The following ARHGAP10 variants were observed in gnomAD, a reference collection of about 807,000 sequenced individuals.
ARHGAP10 encodes the protein rho GTPase-activating protein 10.
In ARHGAP10, 87 loss-of-function variants were observed where a neutral mutation model predicts 108.6. That is an observed-to-expected ratio of 0.80 (90% CI 0.67 to 0.96). The LOEUF (loss-of-function observed/expected upper bound fraction) is 0.96. Among genes scored for constraint, ARHGAP10 ranks in the 40% least tolerant of loss-of-function variants. The probability of loss-of-function intolerance (pLI) is 0.00; values close to 1 mark genes in which losing one functional copy is unlikely to be tolerated. For missense variants in ARHGAP10, 939 were observed against 954.5 expected (o/e 0.98, Z 0.21); for synonymous variants, 347 against 341.1 (o/e 1.02, Z -0.19).
In ARHGAP10 at chr4:147,913,137, G is replaced by T. The variant is rs780256444; in HGVS notation, c.1226G>T (p.Arg409Leu). Residue 409 changes from arginine to leucine, a missense_variant and splice_region_variant, in exon 13 of 23, where the codon CGA becomes CTA. Coordinates refer to ENST00000336498, the MANE Select transcript of ARHGAP10 (RefSeq NM_024605.4). ...AAATGCATCAGTGCCGTTGAAACAC[G>T]AGGTAATATGATTGAATCATTTCAT... ...IRKCISAVETRGINDQGLYRV... is the reference protein window; with the variant it reads ...IRKCISAVETLGINDQGLYRV... 1.2e-6 allele frequency: 2 copies of T among 1,612,798 alleles called. No individual in the cohort carries two copies. The highest frequency in any genetic ancestry group is 8.5e-7 in the Non-Finnish European group (1 of 1,179,018).
intron 19 of ARHGAP10, among the ~76,000 whole-genome samples, chr4:148,029,996 C>G (rs951281550): frequency 1.0e-4 from 15 of 146,724 alleles, no homozygotes; most frequent in African/African-American, 2.9e-4. Flanking sequence ...GCTCAGCATC[C>G]CCCCCCCCAC....
intron 13 of ARHGAP10, among the ~76,000 whole-genome samples, chr4:147,923,496 T>G (rs1210284740): frequency 6.6e-6 from 1 of 152,268 alleles, no homozygotes; most frequent in Non-Finnish European, 1.5e-5. Context: ...GAAGTTTCTC[T>G]TAAAAAATCT....
chr4:147,882,866 C>T (rs1343276167), intron 10 of ARHGAP10, among the ~76,000 whole-genome samples: 1 of 152,140 alleles, frequency 6.6e-6, no homozygotes, highest in Non-Finnish European at 1.5e-5. Flanking sequence ...AGAATATTTG[C>T]TTTTTAATGG....
At chr4:148,059,849 A>G (rs982472086) in intron 20 of ARHGAP10, among the ~76,000 whole-genome samples, 7 of 152,298 alleles carry the variant, frequency 4.6e-5, no homozygotes, top group Admixed American at 2.0e-4. Context: ...TTCTTGTGCC[A>G]GTTCCCTGAG....
chr4:147,824,079 G>C (rs937775656), intron 3 of ARHGAP10, among the ~76,000 whole-genome samples: 12 of 152,114 alleles, frequency 7.9e-5, no homozygotes, highest in African/African-American at 2.9e-4. Context: ...CAGCACTTTG[G>C]GAGGCTGAGG....
chr4:147,783,435 G>A (rs1730649669), intron 1 of ARHGAP10, among the ~76,000 whole-genome samples: 1 of 136,060 alleles, frequency 7.3e-6, no homozygotes, highest in Non-Finnish European at 1.6e-5. Flanking sequence ...ATTATGTATT[G>A]TATAATTTAT....
chr4:148,051,883 C>T (rs533360522), intron 20 of ARHGAP10, among the ~76,000 whole-genome samples: 2 of 152,302 alleles, frequency 1.3e-5, no homozygotes, highest in South Asian at 2.1e-4. Context: ...TTTTTATTCT[C>T]GTCAATGCAA....
intron 19 of ARHGAP10, among the ~76,000 whole-genome samples, chr4:148,032,389 G>A (rs1464732653): frequency 1.6e-5 from 2 of 122,292 alleles, no homozygotes; most frequent in Admixed American, 2.4e-4. Flanking sequence ...ATTTCATGTA[G>A]TTCAACTTGT....
At chr4:147,777,446 A>G (rs1730346808) in intron 1 of ARHGAP10, among the ~76,000 whole-genome samples, 1 of 151,912 alleles carries the variant, frequency 6.6e-6, no homozygotes, top group South Asian at 2.1e-4. Flanking sequence ...TTTTTTGGGT[A>G]GAGATGGGGT....
intron 18 of ARHGAP10, among the ~76,000 whole-genome samples, chr4:148,017,496 T>C (rs1453188537): frequency 6.6e-6 from 1 of 151,852 alleles, no homozygotes; most frequent in Non-Finnish European, 1.5e-5. Flanking sequence ...TTAATATAAA[T>C]AATTAATAGG....
At chr4:148,016,770 G>C (rs533444158) in intron 18 of ARHGAP10, among the ~76,000 whole-genome samples, 1 of 152,166 alleles carries the variant, frequency 6.6e-6, no homozygotes, top group East Asian at 1.9e-4. Flanking sequence ...TCGCAGGTCC[G>C]GGCCTCCAGA....
rs1490900588 is a variant in ARHGAP10, at chr4:148,043,608, C to G, written c.1868-3284C>G. On this transcript the variant is annotated intron_variant, in intron 19 of 22. Transcript: ENST00000336498. ...AAGCTGGACAACATAGGGAGACCCT[C>G]TCTCTAATATATATATATATATATA... Among the ~76,000 whole-genome samples the G allele has an allele frequency of 2.8e-4, 13 of 46,566 alleles. No homozygotes were observed. In the Admixed American group the frequency reaches 3.0e-3, roughly 11 times the overall value. The allele number at this position is 46,566 out of a possible 152,430, so 30.5% of individuals were successfully genotyped here.
intron 13 of ARHGAP10, among the ~76,000 whole-genome samples, chr4:147,933,858 T>C (rs1459822076): frequency 6.6e-6 from 1 of 152,054 alleles, no homozygotes; most frequent in Non-Finnish European, 1.5e-5. Flanking sequence ...GCTCTTTGGG[T>C]GTATGTCTCA....
In ARHGAP10 at chr4:147,919,914, C is replaced by T. The variant is rs143952354; in HGVS notation, c.1228+6775C>T. On this transcript the variant is annotated intron_variant, in intron 13 of 22. Coordinates refer to ENST00000336498, the MANE Select transcript of ARHGAP10 (RefSeq NM_024605.4). Reference sequence around the variant, plus strand: ...TTGATGCCAGGCTCTCATACCCTGTCAGCCTGACTTAATTGCTATTGGATG... The same window carrying T: ...TTGATGCCAGGCTCTCATACCCTGTTAGCCTGACTTAATTGCTATTGGATG... Among the ~76,000 whole-genome samples the T allele has an allele frequency of 3.4e-3, 519 of 152,178 alleles. 2 individuals are homozygous for T. Among genetic ancestry groups the T allele is most frequent in the African/African-American group, 0.012 (479 of 41,508 alleles).
At chr4:147,826,996 C>T (rs1056661948) in intron 3 of ARHGAP10, among the ~76,000 whole-genome samples, 6 of 152,126 alleles carry the variant, frequency 3.9e-5, no homozygotes, top group African/African-American at 9.7e-5. Flanking sequence ...TCTCCCCATC[C>T]GCTTTTTTTC....
intron 18 of ARHGAP10, among the ~76,000 whole-genome samples, chr4:148,016,699 A>T: frequency 6.6e-6 from 1 of 152,130 alleles, no homozygotes; most frequent in East Asian, 1.9e-4. Flanking sequence ...ACCTGGAGGT[A>T]GTGCCAGATG....
At chr4:147,759,397 T>C (rs181965883) in intron 1 of ARHGAP10, among the ~76,000 whole-genome samples, 1 of 152,330 alleles carries the variant, frequency 6.6e-6, no homozygotes, top group East Asian at 1.9e-4. Context: ...TAAAATTTTC[T>C]AGTAACCCCA....
intron 1 of ARHGAP10, among the ~76,000 whole-genome samples, chr4:147,762,222 T>G (rs1729616961): frequency 6.6e-6 from 1 of 152,122 alleles, no homozygotes; most frequent in Non-Finnish European, 1.5e-5. Context: ...TGGCTGGGCT[T>G]GTCTTGAACC....
At chr4:147,908,490 CAA>C (rs1414922171) in intron 11 of ARHGAP10, among the ~76,000 whole-genome samples, 1 of 152,248 alleles carries the variant, frequency 6.6e-6, no homozygotes, top group East Asian at 1.9e-4. Flanking sequence ...GATACACAGA[CAA>C]AGGCAAGTCT....
Sources: allele counts gnomAD v4.1 joint callset (sites outside exome capture counted in the v4.1 genomes callset), GRCh38; gene constraint gnomAD v4.1.1; transcripts MANE v1.5; gene names NCBI Gene and HGNC (gene_info 2026-07-23, HGNC 2026-07-21).